The following PGBD2 variants were observed in gnomAD, a reference collection of about 807,000 sequenced individuals.
PGBD2 encodes piggyBac transposable element-derived protein 2.
A neutral mutation model predicts 8.1 loss-of-function variants in PGBD2; 6 were observed. The observed-to-expected ratio is 0.74, with a 90% CI of 0.40 to 1.46. The LOEUF (loss-of-function observed/expected upper bound fraction) is 1.46, where lower values mean the gene tolerates loss of function less well. Ranked by LOEUF, PGBD2 falls within the 40% of genes most tolerant of loss-of-function variation. The pLI is 0.02. For synonymous variants in PGBD2, 318 were observed against 272.2 expected, an observed-to-expected ratio of 1.17 and a Z score of -1.66; for missense variants, 802 against 739.0, an observed-to-expected ratio of 1.09 and a Z score of -0.99.
the PGBD2 span, among the ~76,000 whole-genome samples, chr1:248,877,102 G>A: frequency 3.9e-5 from 6 of 152,066 alleles, no homozygotes; most frequent in African/African-American, 7.2e-5. Flanking sequence ...TGTATCCAGC[G>A]GTGTCCAGGA....
the PGBD2 span, among the ~76,000 whole-genome samples, chr1:248,894,321 T>C: frequency 5.9e-5 from 9 of 152,176 alleles, no homozygotes; most frequent in Non-Finnish European, 2.9e-5. Flanking sequence ...CTGTCAGATA[T>C]ATGAAATCAT....
chr1:248,896,966 C>G, the PGBD2 span, among the ~76,000 whole-genome samples: 1 of 152,194 alleles, frequency 6.6e-6, no homozygotes, highest in Non-Finnish European at 1.5e-5. Context: ...GTAGAGGTTC[C>G]TCTTCAAAGA....
intron 1 of PGBD2, among the ~76,000 whole-genome samples, chr1:248,908,827 G>C (rs1043425636): frequency 6.6e-6 from 1 of 151,838 alleles, no homozygotes; most frequent in Non-Finnish European, 1.5e-5. Flanking sequence ...TGCTTCTCCT[G>C]TGCTGTGCCT....
At chr1:248,901,416 G>T (rs1394624796), upstream of PGBD2, among the ~76,000 whole-genome samples, 2 of 152,104 alleles carry the variant, frequency 1.3e-5, no homozygotes, top group Non-Finnish European at 2.9e-5. Context: ...GAACAGACTA[G>T]AGAACTCAGA....
At chr1:248,884,478 C>T in the PGBD2 span, among the ~76,000 whole-genome samples, 1 of 152,092 alleles carries the variant, frequency 6.6e-6, no homozygotes, top group Admixed American at 6.5e-5. Context: ...TTCTGAGTAG[C>T]TGGGATTACA....
In PGBD2 at chr1:248,918,194, G is replaced by A. The variant is rs144222560; in HGVS notation, c.1610G>A (p.Arg537Gln). The stretch of plus-strand genomic sequence containing the variant: ...GCTGACACAACATCTCAAGGGAGGC[G>A]AAGCAGGCGGTTGGAGACTGAGAGC... ...SNADTTSQGR[R>Q]SRRLETESRF... Residue 537 changes from arginine to glutamine, a missense_variant, in exon 3 of 3, where the codon CGA (arginine) becomes CAA (glutamine). Transcript: ENST00000329291. 4.6e-5 allele frequency: 75 copies of A among 1,614,162 alleles called. No homozygotes were observed. Among genetic ancestry groups the A allele is most frequent in the Non-Finnish European group, 5.8e-5 (68 of 1,180,026 alleles).
chr1:248,891,407 G>T, the PGBD2 span, among the ~76,000 whole-genome samples: 1 of 152,096 alleles, frequency 6.6e-6, no homozygotes, highest in African/African-American at 2.4e-5. Context: ...GGGCATATGG[G>T]TTATACTTTT....
At chr1:248,879,617 C>A in the PGBD2 span, among the ~76,000 whole-genome samples, 1 of 152,024 alleles carries the variant, frequency 6.6e-6, no homozygotes, top group Non-Finnish European at 1.5e-5. Flanking sequence ...CCAGGCTGGT[C>A]TCCAACTCCT....
At chr1:248,890,379 AT>A in the PGBD2 span, among the ~76,000 whole-genome samples, 7 of 152,096 alleles carry the variant, frequency 4.6e-5, no homozygotes, top group Admixed American at 3.3e-4. Flanking sequence ...AGGTACTATT[AT>A]TGTGTTCACC....
intron 1 of PGBD2, among the ~76,000 whole-genome samples, chr1:248,908,369 T>G (rs550072452): frequency 6.6e-6 from 1 of 152,264 alleles, no homozygotes; most frequent in Admixed American, 6.5e-5. Context: ...CACCCTCTGC[T>G]CTTCCTCCCA....
the PGBD2 span, among the ~76,000 whole-genome samples, chr1:248,885,739 C>T: frequency 6.6e-6 from 1 of 152,214 alleles, no homozygotes; most frequent in Non-Finnish European, 1.5e-5. Flanking sequence ...AGAGGAATCA[C>T]GGACCAGTTC....
At chr1:248,896,680 G>A in the PGBD2 span, among the ~76,000 whole-genome samples, 1 of 152,214 alleles carries the variant, frequency 6.6e-6, no homozygotes, top group Admixed American at 6.5e-5. Flanking sequence ...AGAAGCAGCT[G>A]CAGTCTTCAG....
the PGBD2 span, among the ~76,000 whole-genome samples, chr1:248,882,844 T>A: frequency 2.0e-5 from 3 of 152,220 alleles, no homozygotes; most frequent in Admixed American, 2.0e-4. Context: ...TACACAATCC[T>A]GCATGCAATT....
At chr1:248,873,318 A>C in the PGBD2 span, among the ~76,000 whole-genome samples, 7 of 152,208 alleles carry the variant, frequency 4.6e-5, no homozygotes. Context: ...CCTCTGACCT[A>C]GGACCTCCCG....
chr1:248,897,955 G>C, the PGBD2 span, among the ~76,000 whole-genome samples: 1 of 152,234 alleles, frequency 6.6e-6, no homozygotes, highest in Admixed American at 6.5e-5. Flanking sequence ...GAGCTCAGCA[G>C]CTACGGCAGG....
At chr1:248,925,570 CT>C in the PGBD2 span, among the ~76,000 whole-genome samples, 7,237 of 132,968 alleles carry the variant, frequency 0.054, 355 homozygotes, top group African/African-American at 0.15. Flanking sequence ...GCTACCATGA[CT>C]TTTTTTTTTT....
the PGBD2 span, among the ~76,000 whole-genome samples, chr1:248,885,029 C>A: frequency 6.6e-6 from 1 of 152,156 alleles, no homozygotes; most frequent in African/African-American, 2.4e-5. Flanking sequence ...TACTTCCCAT[C>A]TCATAGTGGC....
chr1:248,898,631 C>T, the PGBD2 span, among the ~76,000 whole-genome samples: 1 of 152,160 alleles, frequency 6.6e-6, no homozygotes, highest in Non-Finnish European at 1.5e-5. Context: ...AAAGGAAAAA[C>T]CGTTACCAGC....
chr1:248,907,428 A>G (rs1223145195), intron 1 of PGBD2, among the ~76,000 whole-genome samples: 3 of 152,204 alleles, frequency 2.0e-5, no homozygotes, highest in Non-Finnish European at 4.4e-5. Flanking sequence ...GCCTTCATCT[A>G]TCTCAACTGC....
Sources: allele counts gnomAD v4.1 joint callset (sites outside exome capture counted in the v4.1 genomes callset), GRCh38; gene constraint gnomAD v4.1.1; transcripts MANE v1.5; gene names NCBI Gene and HGNC (gene_info 2026-07-23, HGNC 2026-07-21).